Variants in REV3L observed in about 807,000 individuals in gnomAD.
The protein encoded by REV3L is DNA polymerase zeta catalytic subunit.
A neutral mutation model predicts 299.4 loss-of-function variants in REV3L; 69 were observed. The ratio of observed to expected loss-of-function variants is 0.23; its 90% CI spans 0.19 to 0.28. REV3L has a LOEUF of 0.28. REV3L is among the 10% of genes least tolerant of loss of function. The probability of loss-of-function intolerance (pLI) is 1.00; values close to 1 mark genes in which losing one functional copy is unlikely to be tolerated. For missense variants in REV3L, 3,128 were observed against 3,693.8 expected, an observed-to-expected ratio of 0.85 and a Z score of 3.97; for synonymous variants, 1,238 against 1,271.4, an observed-to-expected ratio of 0.97 and a Z score of 0.56.
intron 1 of REV3L, among the ~76,000 whole-genome samples, chr6:111,468,094 TA>T (rs1420745816): frequency 1.3e-5 from 2 of 152,182 alleles, no homozygotes; most frequent in African/African-American, 4.8e-5. Context: ...GATGTCATAA[TA>T]AAACCAAACC....
intron 4 of REV3L, among the ~76,000 whole-genome samples, chr6:111,396,691 T>A (rs1466770859): frequency 4.6e-5 from 7 of 152,028 alleles, no homozygotes; most frequent in Non-Finnish European, 2.9e-5. Context: ...TCTGCTCAGG[T>A]TTTCTTTTCT....
At chr6:111,450,012 A>G (rs529790637) in intron 1 of REV3L, among the ~76,000 whole-genome samples, 15 of 152,350 alleles carry the variant, frequency 9.8e-5, no homozygotes, top group Admixed American at 3.9e-4. Context: ...GTGGACAATA[A>G]ACAAACATAA....
In REV3L at chr6:111,367,609, A is replaced by C; in HGVS notation, c.6179T>G (p.Leu2060Arg). ...CTCCTTGGTATGTGCTGTAGTGGGG[A>C]GTATACATGGACTTACATCCATTTT... ...PPKMDVSPCI[L>R]PTTAHTKEDV... The change falls in exon 14 of 32, where the codon CTC (leucine) becomes CGC (arginine). Residue 2060 changes from leucine (L) to arginine (R), a missense_variant. Coordinates refer to ENST00000368802, the MANE Select transcript of REV3L (RefSeq NM_001372078.1). 6.2e-7 allele frequency: 1 copy of C among 1,614,036 alleles called. No individual in the cohort carries two copies. Among genetic ancestry groups the C allele is most frequent in the Middle Eastern group, 1.6e-4 (1 of 6,062 alleles).
chr6:111,366,641 T>TA (rs17539706), intron 14 of REV3L, among the ~76,000 whole-genome samples: 60,637 of 152,018 alleles, frequency 0.4, 14,627 homozygotes, highest in Non-Finnish European at 0.54. Flanking sequence ...TTACAAGAGC[T>TA]ATAATGTAGA....
chr6:111,416,222 T>C (rs1784754042), intron 2 of REV3L, 61 bp downstream of exon 2: 1 of 1,164,382 alleles, frequency 8.6e-7, no homozygotes, highest in Admixed American at 2.7e-5. Flanking sequence ...CTGAGTATGT[T>C]TTCCTCTAAA....
intron 21 of REV3L, among the ~76,000 whole-genome samples, chr6:111,342,847 T>C (rs1464392285): frequency 6.6e-6 from 1 of 152,114 alleles, no homozygotes; most frequent in South Asian, 2.1e-4. Context: ...AGAATAACTG[T>C]TGACTTCTCA....
intron 16 of REV3L, among the ~76,000 whole-genome samples, chr6:111,359,749 T>C (rs1296747193): frequency 1.3e-5 from 2 of 152,170 alleles, no homozygotes; most frequent in Non-Finnish European, 2.9e-5. Flanking sequence ...TTCATGATTA[T>C]AGCTAGAATT....
At chr6:111,468,640 A>G (rs1015490381) in intron 1 of REV3L, among the ~76,000 whole-genome samples, 4 of 152,234 alleles carry the variant, frequency 2.6e-5, no homozygotes, top group African/African-American at 9.6e-5. Context: ...CTTGATGAAG[A>G]CATGGAAAAA....
At chr6:111,331,633 G>C (rs1775383712) in intron 24 of REV3L, 43 bp downstream of exon 24, 1 of 1,374,028 alleles carries the variant, frequency 7.3e-7, no homozygotes, top group Admixed American at 1.8e-5. Flanking sequence ...CTCTCCAAAA[G>C]TTAAGCCATA....
At chr6:111,317,398 C>A (rs1372586812) in intron 26 of REV3L, among the ~76,000 whole-genome samples, 2 of 152,196 alleles carry the variant, frequency 1.3e-5, no homozygotes, top group African/African-American at 2.4e-5. Context: ...GTTAATTAGA[C>A]CTTCAATCTA....
intron 26 of REV3L, among the ~76,000 whole-genome samples, chr6:111,320,924 TTC>T (rs1283139934): frequency 6.6e-6 from 1 of 152,216 alleles, no homozygotes; most frequent in African/African-American, 2.4e-5. Context: ...GTGCTAGGAT[TTC>T]AAGTATGAGG....
intron 4 of REV3L, 70 bp from the exon 5 acceptor site, chr6:111,393,042 A>ATTT: frequency 1.2e-5 from 11 of 887,314 alleles, no homozygotes; most frequent in Non-Finnish European, 1.7e-5. Flanking sequence ...TAGAAGGTAA[A>ATTT]TTTTTTTTTT....
At position 111,374,508 on chromosome 6, in the gene REV3L, G is replaced by A. The variant is rs201293265; in HGVS notation, c.3847C>T (p.Pro1283Ser). The A allele has an allele frequency of 6.2e-7, 1 of 1,614,000 alleles. No homozygotes were observed. The highest frequency in any genetic ancestry group is 1.1e-5 in the South Asian group (1 of 91,070). Residue 1283 changes from proline (P) to serine (S), a missense_variant, in exon 13 of 32, where the codon CCC (proline) becomes TCC (serine). This residue lies in a region of REV3L where 2,409 missense variants were observed against 2,611.8 expected (regional missense o/e 0.92). Transcript: ENST00000368802. ...AVDHPLSASL[P>S]TGINAQQKLS... ...TTCTGTTGTGCATTAATTCCAGTGG[G>A]TAGGGAAGCAGAAAGGGGATGATCT...
rs751620515 is a variant in REV3L at position 111,335,561 on chromosome 6, T to A, written c.7588A>T (p.Met2530Leu). The A allele has an allele frequency of 6.2e-7, 1 of 1,612,552 alleles. No individual in the cohort carries two copies. The highest frequency in any genetic ancestry group is 8.5e-7 in the Non-Finnish European group (1 of 1,179,190). ...YVSRVRGNLQMLEQLDLIGKT... is the reference protein window; with the variant it reads ...YVSRVRGNLQLLEQLDLIGKT... ...CCAATCAGGTCCAGCTGTTCTAACA[T>A]TTGGAGATTTCCACGGACACGGCTA... is the stretch of plus-strand genomic sequence containing the variant. Residue 2530 changes from methionine to leucine, a missense_variant, in exon 22 of 32, where the codon ATG becomes TTG. Coordinates refer to ENST00000368802, the MANE Select transcript of REV3L (RefSeq NM_001372078.1).
chr6:111,468,847 A>G (rs532029137), intron 1 of REV3L, among the ~76,000 whole-genome samples: 1 of 152,274 alleles, frequency 6.6e-6, no homozygotes, highest in East Asian at 1.9e-4. Context: ...TGAAGCAGAC[A>G]GGTAGGCCAC....
At chr6:111,426,320 T>C (rs1786178849) in intron 1 of REV3L, among the ~76,000 whole-genome samples, 1 of 152,212 alleles carries the variant, frequency 6.6e-6, no homozygotes, top group Non-Finnish European at 1.5e-5. Context: ...TTCAACTGAG[T>C]CTAGCTGAAA....
intron 1 of REV3L, among the ~76,000 whole-genome samples, chr6:111,469,552 G>A (rs1015924229): frequency 7.2e-5 from 11 of 152,118 alleles, no homozygotes; most frequent in African/African-American, 2.7e-4. Context: ...CTCTGGAATT[G>A]GCCATGTTGA....
chr6:111,473,856 C>A (rs1421067045), intron 1 of REV3L, among the ~76,000 whole-genome samples: 1 of 152,098 alleles, frequency 6.6e-6, no homozygotes, highest in Non-Finnish European at 1.5e-5. Flanking sequence ...TCCAGCCTCA[C>A]ACCAACCAAC....
chr6:111,371,028 GC>G (rs1448633104), intron 13 of REV3L, among the ~76,000 whole-genome samples: 7 of 151,470 alleles, frequency 4.6e-5, no homozygotes, highest in Non-Finnish European at 1.5e-5. Flanking sequence ...GTGCATACAT[GC>G]AGTGTGTCCT....
Sources: allele counts gnomAD v4.1 joint callset (sites outside exome capture counted in the v4.1 genomes callset), GRCh38; gene constraint gnomAD v4.1.1; regional missense constraint gnomAD v4.1.1; transcripts MANE v1.5; gene names NCBI Gene and HGNC (gene_info 2026-07-23, HGNC 2026-07-21).